Variants in ALDH4A1 observed in about 807,000 individuals in gnomAD.
ALDH4A1 encodes delta-1-pyrroline-5-carboxylate dehydrogenase, mitochondrial.
ALDH4A1 carries 46 observed loss-of-function variants against 70.5 expected under a neutral mutation model. The observed-to-expected ratio is 0.65, with a 90% CI of 0.51 to 0.83. The LOEUF is 0.83. Ranked by LOEUF, ALDH4A1 falls within the 40% of genes least tolerant of loss-of-function variation. The pLI is 0.00. For missense variants in ALDH4A1, 749 were observed against 766.5 expected (o/e 0.98, Z 0.27); for synonymous variants, 323 against 324.3 (o/e 1.00, Z 0.04).
rs563859389 is a variant in ALDH4A1 at position 18,874,571 on chromosome 1, G to C, written c.1471C>G (p.Gln491Glu). 1 of 1,614,204 alleles carries C rather than the reference G, an allele frequency of 6.2e-7. No individual in the cohort carries two copies. Among genetic ancestry groups the C allele is most frequent in the Admixed American group, 1.7e-5 (1 of 60,032 alleles). The change falls in exon 14 of 15, where the codon CAG (glutamine) becomes GAG (glutamate). Residue 491 changes from glutamine (Q) to glutamate (E), a missense_variant. Coordinates refer to ENST00000375341, the MANE Select transcript of ALDH4A1 (RefSeq NM_003748.4). Reference sequence around the variant, plus strand: ...TTCCTCAGCACCTTTGTGGCCTCCTGCACGACGTCCCTACAAAGCAGAGCA... The same window carrying C: ...TTCCTCAGCACCTTTGTGGCCTCCTCCACGACGTCCCTACAAAGCAGAGCA... ...AVFSQDKDVVQEATKVLRNAA... is the reference protein window; with the variant it reads ...AVFSQDKDVVEEATKVLRNAA...
chr1:18,881,173 A>C (rs1017785802), intron 8 of ALDH4A1, among the ~76,000 whole-genome samples: 1 of 151,918 alleles, frequency 6.6e-6, no homozygotes, highest in Non-Finnish European at 1.5e-5. Context: ...TGTCGCCCCC[A>C]AACTCCACAC....
Position 18,876,437 on chromosome 1 carries a change from G to C in ALDH4A1, c.1216C>G (p.His406Asp), listed in dbSNP as rs779902740. ...SFARIKKWLE[H>D]ARSSPSLTIL... ...GTGAGGCTGGGTGAGGAGCGTGCGT[G>C]CTCCAGCCACTTCTTGATACGGGCA... is the stretch of plus-strand genomic sequence containing the variant. The change falls in exon 12 of 15, where the codon CAC becomes GAC. Residue 406 changes from histidine to aspartate, a missense_variant. His to Asp is a moderately conservative substitution (Grantham distance 81). Transcript: ENST00000375341. 30 of 1,603,284 alleles carry C rather than the reference G, an allele frequency of 1.9e-5. No homozygotes were observed. In the South Asian group the frequency reaches 3.3e-4, roughly 18 times the overall value.
At chr1:18,878,337 C>T (rs976876855) in intron 9 of ALDH4A1, among the ~76,000 whole-genome samples, 6 of 152,190 alleles carry the variant, frequency 3.9e-5, no homozygotes, top group African/African-American at 7.2e-5. Flanking sequence ...TGGTAACCAG[C>T]GGCCTCTCTC....
Position 18,876,696 on chromosome 1 carries a change from C to T in ALDH4A1, c.1186-229G>A, listed in dbSNP as rs28739297. 2.4e-4 allele frequency among the ~76,000 whole-genome samples: 5 copies of T among 21,102 alleles called. No individual in the cohort carries two copies. In the East Asian group the frequency reaches 5.2e-3, roughly 22 times the overall value. The allele number at this position is 21,102 out of a possible 152,430, so 13.8% of individuals were successfully genotyped here. On this transcript the variant is annotated intron_variant, in intron 11 of 14. Transcript: ENST00000375341. ...GTGTGTGTGTACACACACAAGTGTA[C>T]GTGTGTTAGTACTACAGGTGCACTC... is the stretch of plus-strand genomic sequence containing the variant.
intron 4 of ALDH4A1, 119 bp downstream of exon 4, chr1:18,886,345 C>G: frequency 2.5e-6 from 3 of 1,194,094 alleles, no homozygotes; most frequent in Non-Finnish European, 3.7e-6. Context: ...ACCTACCCAC[C>G]ATGGCCAAAG....
chr1:18,893,416 C>T (rs1195890004), intron 1 of ALDH4A1, among the ~76,000 whole-genome samples: 1 of 152,212 alleles, frequency 6.6e-6, no homozygotes, highest in African/African-American at 2.4e-5. Context: ...TATTTCAAGG[C>T]ATTTTGTTTC....
chr1:18,881,022 C>T (rs1293038513), intron 8 of ALDH4A1, among the ~76,000 whole-genome samples: 1 of 152,124 alleles, frequency 6.6e-6, no homozygotes, highest in African/African-American at 2.4e-5. Context: ...GACCTTGTCC[C>T]TGGTGTGTGC....
At chr1:18,902,355 TG>T in intron 1 of ALDH4A1, 106 bp downstream of exon 1, 4 of 979,716 alleles carry the variant, frequency 4.1e-6, no homozygotes, top group South Asian at 2.5e-5. Context: ...CGAGGCAGCT[TG>T]GGGGTCCGGC....
intron 1 of ALDH4A1, among the ~76,000 whole-genome samples, chr1:18,892,491 G>A (rs974821994): frequency 9.2e-5 from 14 of 151,864 alleles, no homozygotes; most frequent in Non-Finnish European, 1.5e-4. Context: ...CTCTGAGGAG[G>A]TGACCCTGAG....
At position 18,872,794 on chromosome 1, in the gene ALDH4A1, G is replaced by A; in HGVS notation, c.*51C>T. ...GGCTGGAGTGGGGTCTGTGCAGTGA[G>A]GTCGGCCACCTGGACGGACAGACAG... On this transcript the variant is annotated 3_prime_UTR_variant, in exon 15 of 15. Coordinates refer to ENST00000375341, the MANE Select transcript of ALDH4A1 (RefSeq NM_003748.4). The A allele has an allele frequency of 6.8e-7, 1 of 1,460,072 alleles. No individual in the cohort carries two copies. The highest frequency in any genetic ancestry group is 9.6e-7 in the Non-Finnish European group (1 of 1,046,028). 90.4% of individuals were successfully genotyped at this position (1,460,072 alleles called of 1,614,324 possible).
In ALDH4A1 at chr1:18,872,625, T is replaced by C. The variant is rs944310354; in HGVS notation, c.*220A>G. On this transcript the variant is annotated 3_prime_UTR_variant, in exon 15 of 15. Coordinates refer to ENST00000375341, the MANE Select transcript of ALDH4A1 (RefSeq NM_003748.4). ...AGGGTCATACCTCCCACATGGCCGATGGGATAAGGGGTAGTGGCCATGTTC... is the reference window on the plus strand; with the variant it reads ...AGGGTCATACCTCCCACATGGCCGACGGGATAAGGGGTAGTGGCCATGTTC... The C allele has an allele frequency of 6.7e-6, 3 of 450,034 alleles. No homozygotes were observed. The highest frequency in any genetic ancestry group is 2.0e-5 in the African/African-American group (1 of 50,580). 27.9% of individuals were successfully genotyped at this position (450,034 alleles called of 1,614,324 possible). A position where few individuals can be genotyped will look rare whatever the true frequency, so the allele number is the denominator to read the frequency against.
At chr1:18,885,681 G>A in intron 4 of ALDH4A1, 53 bp from the exon 5 acceptor site, 1 of 1,611,664 alleles carries the variant, frequency 6.2e-7, no homozygotes, top group South Asian at 1.1e-5. Context: ...GAAAGGCCCT[G>A]GGGAGTGAGC....
intron 1 of ALDH4A1, among the ~76,000 whole-genome samples, chr1:18,890,402 A>G (rs1935390623): frequency 6.6e-6 from 1 of 152,284 alleles, no homozygotes; most frequent in East Asian, 1.9e-4. Context: ...AACGTTAGCC[A>G]GGTGTGGTGG....
intron 1 of ALDH4A1, 179 bp from the exon 2 acceptor site, chr1:18,890,284 G>A (rs1935386263): frequency 3.4e-6 from 2 of 588,558 alleles, no homozygotes; most frequent in Non-Finnish European, 6.1e-6. Flanking sequence ...GCTCACACCT[G>A]TAATCCCAGC....
intron 3 of ALDH4A1, among the ~76,000 whole-genome samples, chr1:18,888,163 T>C (rs1159618599): frequency 6.6e-6 from 1 of 152,238 alleles, no homozygotes; most frequent in Non-Finnish European, 1.5e-5. Flanking sequence ...GGAACATTTC[T>C]GTCCTCACTG....
chr1:18,902,352 G>A (rs1045804871), intron 1 of ALDH4A1, 110 bp downstream of exon 1: 11 of 951,854 alleles, frequency 1.2e-5, no homozygotes, highest in Non-Finnish European at 1.4e-5. Flanking sequence ...GACCGAGGCA[G>A]CTTGGGGGTC....
At chr1:18,885,408 T>A (rs1031609162) in intron 5 of ALDH4A1, 65 bp downstream of exon 5, 4 of 1,445,064 alleles carry the variant, frequency 2.8e-6, no homozygotes, top group African/African-American at 1.4e-5. Context: ...TCTGCTGCCA[T>A]GGGTAGGGCA....
In ALDH4A1 at chr1:18,879,964, A is replaced by AC. The variant is rs138658295; in HGVS notation, c.867-592dup. 5.1e-3 allele frequency among the ~76,000 whole-genome samples: 781 copies of AC among 152,056 alleles called. 9 individuals carry two copies. Among genetic ancestry groups the AC allele is most frequent in the East Asian group, 0.039 (199 of 5,128 alleles). ...CCACAAAACAATAAAAATGCTAATCACCCGGGAGCCAGCGACACAGTAGCT... is the reference window on the plus strand; with the variant it reads ...CCACAAAACAATAAAAATGCTAATCACCCCGGGAGCCAGCGACACAGTAGCT... On this transcript the variant is annotated intron_variant, in intron 8 of 14. Coordinates refer to ENST00000375341, the MANE Select transcript of ALDH4A1 (RefSeq NM_003748.4).
At position 18,872,970 on chromosome 1, in the gene ALDH4A1, C is replaced by T; in HGVS notation, c.1580-13G>A. The T allele has an allele frequency of 6.2e-7, 1 of 1,609,810 alleles. No individual in the cohort carries two copies. The highest frequency in any genetic ancestry group is 8.5e-7 in the Non-Finnish European group (1 of 1,176,504). On this transcript the variant is annotated splice_polypyrimidine_tract_variant and intron_variant, in intron 14 of 14. Coordinates refer to ENST00000375341, the MANE Select transcript of ALDH4A1 (RefSeq NM_003748.4). ...TTGTCATTGGTTCCTGCGGAAAAGA[C>T]ACTTCTGTTTTTCTCTGAAAAGATG...
Sources: gnomAD v4.1 joint callset for allele counts (sites outside exome capture counted in the v4.1 genomes callset) on GRCh38, gnomAD v4.1.1 for gene constraint, MANE v1.5 for transcripts, NCBI Gene and HGNC (gene_info 2026-07-23, HGNC 2026-07-21) for gene names.